RBL2: variants seen among roughly 807,000 people sequenced by gnomAD.
The protein encoded by RBL2 is RB transcriptional corepressor like 2.
Under a neutral mutation model 126.0 loss-of-function variants are expected in RBL2, and 56 were observed. The observed-to-expected ratio is 0.44, with a 90% CI of 0.36 to 0.56. RBL2 has a LOEUF of 0.56. Ranked by LOEUF, RBL2 falls within the 20% of genes least tolerant of loss-of-function variation. RBL2 has a pLI of 0.00. For synonymous variants in RBL2, 454 were observed against 478.5 expected (o/e 0.95, Z 0.67); for missense variants, 1,229 against 1,398.2 (o/e 0.88, Z 1.93).
In RBL2 at chr16:53,434,687, A is replaced by G; in HGVS notation, c.131A>G (p.Gln44Arg). Reference sequence around the variant, plus strand: ...CCGCCTGCCGAGTCGCCCACCCCTCAGATCCAGCAGCGGTTCGACGAGCTG... The same window carrying G: ...CCGCCTGCCGAGTCGCCCACCCCTCGGATCCAGCAGCGGTTCGACGAGCTG... ...AAPPAESPTP[Q>R]IQQRFDELCS... The change falls in exon 1 of 22, where the codon CAG (glutamine) becomes CGG (arginine). Residue 44 changes from glutamine (Q) to arginine (R), a missense_variant. Coordinates refer to ENST00000262133, the MANE Select transcript of RBL2 (RefSeq NM_005611.4). The G allele has an allele frequency of 6.4e-7, 1 of 1,573,058 alleles. No individual in the cohort carries two copies. Among genetic ancestry groups the G allele is most frequent in the Non-Finnish European group, 8.6e-7 (1 of 1,169,366 alleles).
intron 17 of RBL2, among the ~76,000 whole-genome samples, chr16:53,474,592 AG>A (rs1462929906): frequency 1.1e-4 from 16 of 152,202 alleles, no homozygotes; most frequent in Admixed American, 5.2e-4. Flanking sequence ...CTGGGATTAT[AG>A]GCGTGAGCCA....
chr16:53,437,561 T>C (rs2057970302), intron 1 of RBL2, among the ~76,000 whole-genome samples: 1 of 152,306 alleles, frequency 6.6e-6, no homozygotes, highest in East Asian at 1.9e-4. Flanking sequence ...TTAAAAATTA[T>C]TATTTTTGAA....
At chr16:53,466,674 G>A (rs1331215110) in intron 13 of RBL2, 3 of 185,702 alleles carry the variant, frequency 1.6e-5, no homozygotes, top group Non-Finnish European at 3.3e-5. Context: ...AGGCGGCAAT[G>A]TGAGCGATGG....
At chr16:53,483,141 G>A (rs759865909) in intron 21 of RBL2, among the ~76,000 whole-genome samples, 5 of 152,116 alleles carry the variant, frequency 3.3e-5, no homozygotes, top group East Asian at 3.8e-4. Flanking sequence ...ACTTTCAAAC[G>A]GGTTGGTTGC....
chr16:53,457,258 C>CCCTTTTTTTTTTTTTT (rs1555566426), intron 8 of RBL2, among the ~76,000 whole-genome samples: 1 of 89,954 alleles, frequency 1.1e-5, no homozygotes, highest in African/African-American at 6.0e-5. Flanking sequence ...GTACAGATAG[C>CCCTTTTTTTTTTTTTT]TTTTTTTTTT....
chr16:53,472,593 A>T (rs1009609659), intron 17 of RBL2, among the ~76,000 whole-genome samples: 3 of 152,240 alleles, frequency 2.0e-5, no homozygotes, highest in African/African-American at 7.2e-5. Flanking sequence ...TTTTAAAATT[A>T]TGTTATTATT....
In RBL2 at chr16:53,462,563, A is replaced by G; in HGVS notation, c.1468A>G (p.Lys490Glu). 6.4e-7 allele frequency: 1 copy of G among 1,551,772 alleles called. No individual in the cohort carries two copies. The highest frequency in any genetic ancestry group is 8.6e-7 in the Non-Finnish European group (1 of 1,157,520). ...TATTATTTCTACAGAAATTGCCAGC[A>G]AACATTTTCGTTTTGCGGAGATGCT... is the stretch of plus-strand genomic sequence containing the variant. Reference protein sequence around the residue: ...FSNCAKEIASKHFRFAEMLYY... With the variant: ...FSNCAKEIASEHFRFAEMLYY... Residue 490 changes from lysine to glutamate, a missense_variant, in exon 11 of 22, where the codon AAA becomes GAA. Physicochemically the swap from Lys to Glu is moderately conservative, Grantham distance 56. This residue lies in a region of RBL2 where 1,070 missense variants were observed against 1,274.3 expected (regional missense o/e 0.84). Transcript: ENST00000262133.
rs77395902 is a variant in RBL2, at chr16:53,483,926, T to TAA, written c.3249+2107_3249+2108dup. On this transcript the variant is annotated intron_variant, in intron 21 of 21. Transcript: ENST00000262133. ...AATGGAGACACTTTTCCTATCATAGTAAAAAAAAAAAAAAAAAGGTGTAAA... is the reference window on the plus strand; with the variant it reads ...AATGGAGACACTTTTCCTATCATAGTAAAAAAAAAAAAAAAAAAAGGTGTAAA... Among the ~76,000 whole-genome samples, 452 of 130,996 alleles carry TAA rather than the reference T, an allele frequency of 3.5e-3. 2 individuals carry two copies. Among genetic ancestry groups the TAA allele is most frequent in the Admixed American group, 5.0e-3 (64 of 12,722 alleles). The allele number at this position is 130,996 out of a possible 152,430, so 85.9% of individuals were successfully genotyped here.
intron 9 of RBL2, among the ~76,000 whole-genome samples, chr16:53,460,531 C>A (rs149360487): frequency 2.2e-3 from 340 of 152,282 alleles, no homozygotes; most frequent in Non-Finnish European, 4.0e-3. Context: ...AGAAGCATTT[C>A]GTAAATACAT....
chr16:53,481,756 A>C lies in RBL2; in HGVS notation c.3170A>C (p.Tyr1057Ser). ...CAGTTGTCTCAAAATCATCCTGTCTACATTTCCCCACATAAAAATGAAACA... is the reference window on the plus strand; with the variant it reads ...CAGTTGTCTCAAAATCATCCTGTCTCCATTTCCCCACATAAAAATGAAACA... ...RIQLSQNHPV[Y>S]ISPHKNETML... Residue 1057 changes from tyrosine (Y) to serine (S), a missense_variant, in exon 21 of 22, where the codon TAC (tyrosine) becomes TCC (serine). Tyr to Ser is a moderately radical substitution (Grantham distance 144). Around this residue, in one of 2 missense-constraint regions of RBL2, gnomAD observed 1,070 missense variants for 1,274.3 expected, o/e 0.84. Transcript: ENST00000262133. 1.3e-6 allele frequency: 2 copies of C among 1,595,070 alleles called. No individual in the cohort carries two copies. The highest frequency in any genetic ancestry group is 1.7e-6 in the Non-Finnish European group (2 of 1,162,836).
chr16:53,479,198 T>C lies in RBL2; in HGVS notation c.2748T>C (p.Tyr916=), dbSNP rs370750929. The C allele has an allele frequency of 2.4e-5, 38 of 1,613,854 alleles. No individual in the cohort carries two copies. Among genetic ancestry groups the C allele is most frequent in the Non-Finnish European group, 2.5e-5 (30 of 1,179,868 alleles). ...CCTTCCAGAACATTATGCGTTGTTA[T>C]AGGACTCAGCCGCAGGCCCGGAGCC... is the stretch of plus-strand genomic sequence containing the variant. The part of the protein sequence containing the change: ...DKSFQNIMRC[Y]RTQPQARSQV... The change falls in exon 18 of 22, where the codon TAT becomes TAC. Residue 916 remains tyrosine (Y), a synonymous_variant. Transcript: ENST00000262133.
chr16:53,491,079 T>A lies in RBL2; in HGVS notation c.*779T>A, dbSNP rs575431724. ...TTTCTTTAATGCTTTTATATTTTTTTAAAATGTTAAAACCCCTATAGCCAC... is the reference window on the plus strand; with the variant it reads ...TTTCTTTAATGCTTTTATATTTTTTAAAAATGTTAAAACCCCTATAGCCAC... On this transcript the variant is annotated 3_prime_UTR_variant, in exon 22 of 22. Coordinates refer to ENST00000262133, the MANE Select transcript of RBL2 (RefSeq NM_005611.4). 1.1e-3 allele frequency: 173 copies of A among 152,776 alleles called. No individual in the cohort carries two copies. Among genetic ancestry groups the A allele is most frequent in the African/African-American group, 4.0e-3 (165 of 41,582 alleles). The allele number at this position is 152,776 out of a possible 1,614,324, so 9.5% of individuals were successfully genotyped here. A position where few individuals can be genotyped will look rare whatever the true frequency, so the allele number is the denominator to read the frequency against.
intron 17 of RBL2, among the ~76,000 whole-genome samples, chr16:53,477,200 T>C (rs1960757343): frequency 1.3e-5 from 2 of 152,338 alleles, no homozygotes; most frequent in African/African-American, 4.8e-5. Flanking sequence ...ATTACATCCA[T>C]AAATGTACAA....
At chr16:53,481,520 ATATTTTT>A in intron 20 of RBL2, 144 bp from the exon 21 acceptor site, 3 of 688,282 alleles carry the variant, frequency 4.4e-6, no homozygotes. Context: ...TGCTATTAGA[ATATTTTT>A]CTTTAGGTTA....
intron 17 of RBL2, 136 bp downstream of exon 17, chr16:53,471,058 A>AT (rs2058318851): frequency 1.1e-5 from 9 of 823,702 alleles, no homozygotes; most frequent in Non-Finnish European, 1.7e-5. Context: ...GGGTCTTAGT[A>AT]TATTCACAGA....
intron 3 of RBL2, among the ~76,000 whole-genome samples, chr16:53,446,282 T>G (rs770296964): frequency 1.3e-5 from 2 of 152,156 alleles, no homozygotes; most frequent in Non-Finnish European, 2.9e-5. Flanking sequence ...AGTACAGTAT[T>G]GTACCCAAGT....
Position 53,479,180 on chromosome 16 carries a change from G to C in RBL2, c.2730G>C (p.Gln910His). 1 of 1,613,932 alleles carries C rather than the reference G, an allele frequency of 6.2e-7. No homozygotes were observed. Among genetic ancestry groups the C allele is most frequent in the Non-Finnish European group, 8.5e-7 (1 of 1,179,866 alleles). The change falls in exon 18 of 22, where the codon CAG (glutamine) becomes CAC (histidine). Residue 910 changes from glutamine to histidine, a missense_variant. Physicochemically the swap from Gln to His is conservative, Grantham distance 24. This residue lies in a region of RBL2 where 1,070 missense variants were observed against 1,274.3 expected (regional missense o/e 0.84). Transcript: ENST00000262133. ...AKVTKEDKSFQNIMRCYRTQP... is the reference protein window; with the variant it reads ...AKVTKEDKSFHNIMRCYRTQP... ...TCACAAAAGAAGATAAGTCCTTCCAGAACATTATGCGTTGTTATAGGACTC... is the reference window on the plus strand; with the variant it reads ...TCACAAAAGAAGATAAGTCCTTCCACAACATTATGCGTTGTTATAGGACTC...
intron 7 of RBL2, chr16:53,454,156 A>T: frequency 4.6e-6 from 2 of 431,942 alleles, no homozygotes; most frequent in South Asian, 3.5e-5. Flanking sequence ...GTACTGTGTG[A>T]TGGATGAGCT....
chr16:53,462,548 A>G lies in RBL2; in HGVS notation c.1457-4A>G, dbSNP rs763205028. ...TGGGGTTTTTTTTTTTATTATTTCTACAGAAATTGCCAGCAAACATTTTCG... is the reference window on the plus strand; with the variant it reads ...TGGGGTTTTTTTTTTTATTATTTCTGCAGAAATTGCCAGCAAACATTTTCG... On this transcript the variant is annotated splice_region_variant and splice_polypyrimidine_tract_variant and intron_variant, in intron 10 of 21. Coordinates refer to ENST00000262133, the MANE Select transcript of RBL2 (RefSeq NM_005611.4). The G allele has an allele frequency of 6.6e-7, 1 of 1,506,852 alleles. No homozygotes were observed. Among genetic ancestry groups the G allele is most frequent in the South Asian group, 1.3e-5 (1 of 79,576 alleles). 93.3% of individuals were successfully genotyped at this position (1,506,852 alleles called of 1,614,324 possible). A position where few individuals can be genotyped will look rare whatever the true frequency, so the allele number is the denominator to read the frequency against.
Sources: gnomAD v4.1 joint callset for allele counts (sites outside exome capture counted in the v4.1 genomes callset) on GRCh38, gnomAD v4.1.1 for gene constraint, gnomAD v4.1.1 regional missense constraint, MANE v1.5 for transcripts, NCBI Gene and HGNC (gene_info 2026-07-23, HGNC 2026-07-21) for gene names.